Variants in DPP4 observed in about 807,000 individuals in gnomAD.
The protein encoded by DPP4 is ADCP-2.
Under a neutral mutation model 122.4 loss-of-function variants are expected in DPP4, and 93 were observed. That is an observed-to-expected ratio of 0.76 (90% CI 0.64 to 0.90). The LOEUF (loss-of-function observed/expected upper bound fraction) is 0.90, where lower values mean the gene tolerates loss of function less well. Among genes scored for constraint, DPP4 ranks in the 40% least tolerant of loss-of-function variants. DPP4 has a pLI of 0.00. For synonymous variants in DPP4, 321 were observed against 302.9 expected (o/e 1.06, Z -0.62); for missense variants, 914 against 907.3 (o/e 1.01, Z -0.09).
intron 2 of DPP4, among the ~76,000 whole-genome samples, chr2:162,065,055 C>A (rs192417840): frequency 6.6e-6 from 1 of 152,324 alleles, no homozygotes; most frequent in Middle Eastern, 3.4e-3. Context: ...TAGGTATTTG[C>A]CCTTCTCCTT....
intron 23 of DPP4, chr2:162,005,542 A>G: frequency 2.0e-6 from 1 of 510,654 alleles, no homozygotes; most frequent in Non-Finnish European, 3.5e-6. Context: ...ATTGTGACCT[A>G]TATAGCATAC....
Position 162,074,122 on chromosome 2 carries a change from C to T in DPP4, c.-141G>A, listed in dbSNP as rs1333546320. 1.4e-6 allele frequency: 2 copies of T among 1,427,994 alleles called. No individual in the cohort carries two copies. The highest frequency in any genetic ancestry group is 1.8e-6 in the Non-Finnish European group (2 of 1,090,538). 88.5% of individuals were successfully genotyped at this position (1,427,994 alleles called of 1,614,324 possible). ...TGGCAAGTTTCGGCCCCGAGTTAAA[C>T]ATTAGTGAGCGCCGAGCCCGCTGGG... On this transcript the variant is annotated 5_prime_UTR_variant, in exon 1 of 26. The change abolishes an upstream ATG in the 5' untranslated region. Transcript: ENST00000360534.
intron 22 of DPP4, among the ~76,000 whole-genome samples, chr2:162,006,116 A>G (rs1701277600): frequency 6.6e-6 from 1 of 152,178 alleles, no homozygotes; most frequent in Non-Finnish European, 1.5e-5. Flanking sequence ...GGGCAAAGGG[A>G]GATCAAACCA....
chr2:162,073,874 G>A (rs1685213611), intron 1 of DPP4, 102 bp downstream of exon 1: 1 of 1,506,298 alleles, frequency 6.6e-7, no homozygotes, highest in African/African-American at 1.4e-5. Flanking sequence ...TCCGCCTAAG[G>A]GGAGTCCCTG....
At chr2:162,023,503 G>A (rs1485878773) in intron 11 of DPP4, among the ~76,000 whole-genome samples, 1 of 152,136 alleles carries the variant, frequency 6.6e-6, no homozygotes, top group Non-Finnish European at 1.5e-5. Context: ...GTTCCTGCAT[G>A]TTCCAAGCTA....
intron 2 of DPP4, among the ~76,000 whole-genome samples, chr2:162,073,065 T>C (rs887152044): frequency 1.3e-5 from 2 of 152,168 alleles, no homozygotes; most frequent in Non-Finnish European, 2.9e-5. Flanking sequence ...CCAAAAACTT[T>C]TCTCAAAAAT....
intron 9 of DPP4, 93 bp downstream of exon 9, chr2:162,035,071 G>A (rs551119069): frequency 2.3e-6 from 3 of 1,298,860 alleles, no homozygotes; most frequent in Non-Finnish European, 2.1e-6. Flanking sequence ...GTTGAAGAGA[G>A]ACTGACAATA....
chr2:161,994,846 A>AT (rs1005229722), intron 25 of DPP4, 115 bp downstream of exon 25: 13 of 975,870 alleles, frequency 1.3e-5, no homozygotes, highest in Non-Finnish European at 1.7e-5. Flanking sequence ...TGAAAAAAAA[A>AT]TTTTTAATGT....
At chr2:162,026,088 A>G (rs1187653184) in intron 10 of DPP4, among the ~76,000 whole-genome samples, 1 of 152,184 alleles carries the variant, frequency 6.6e-6, no homozygotes, top group South Asian at 2.1e-4. Flanking sequence ...GTCATACTGA[A>G]GGACCATAGC....
rs1701195223 is a variant in DPP4 at position 162,003,206 on chromosome 2, A to G, written c.2052+2539T>C. On this transcript the variant is annotated intron_variant, in intron 23 of 25. Coordinates refer to ENST00000360534, the MANE Select transcript of DPP4 (RefSeq NM_001935.4). ...GTGCACCCAGTGTGCGTGTGTTGCC[A>G]TTGGCAGGAGGAAGTGACTTCTATT... is the stretch of plus-strand genomic sequence containing the variant. 2.6e-5 allele frequency among the ~76,000 whole-genome samples: 4 copies of G among 152,148 alleles called. No individual in the cohort carries two copies. The South Asian group carries it at 8.3e-4, about 31-fold the overall frequency.
chr2:162,029,544 G>T, intron 10 of DPP4, among the ~76,000 whole-genome samples: 1 of 152,212 alleles, frequency 6.6e-6, no homozygotes, highest in Non-Finnish European at 1.5e-5. Flanking sequence ...TAGCATGCAG[G>T]TCCTAATGTG....
intron 23 of DPP4, among the ~76,000 whole-genome samples, chr2:161,996,922 C>T (rs180690969): frequency 1.8e-3 from 268 of 152,306 alleles, no homozygotes; most frequent in African/African-American, 6.2e-3. Context: ...TACTGTAACT[C>T]CTCTTACTCC....
chr2:161,995,140 G>A, intron 24 of DPP4, 106 bp from the exon 25 acceptor site: 1 of 1,382,232 alleles, frequency 7.2e-7, no homozygotes, highest in Non-Finnish European at 1.0e-6. Context: ...GAAGTTCTAG[G>A]ACTCAGCATC....
chr2:162,012,107 C>T (rs1682725234), intron 19 of DPP4, 120 bp from the exon 20 acceptor site: 2 of 949,516 alleles, frequency 2.1e-6, no homozygotes, highest in South Asian at 1.7e-5. Context: ...TTAAACTGTG[C>T]CAGCCTATGG....
Position 162,038,325 on chromosome 2 carries a change from C to T in DPP4, c.590G>A (p.Gly197Glu), listed in dbSNP as rs765253060. 1 of 1,594,540 alleles carries T rather than the reference C, an allele frequency of 6.3e-7. No homozygotes were observed. The highest frequency in any genetic ancestry group is 8.5e-7 in the Non-Finnish European group (1 of 1,171,996). Residue 197 changes from glycine (G) to glutamate (E), a missense_variant, in exon 8 of 26, where the codon GGA becomes GAA. By Grantham distance (98) the Gly-to-Glu change is moderately conservative. Transcript: ENST00000360534. ...WTGKEDIIYN[G>E]ITDWVYEEEV... ...ACCTTCATAAACCCAGTCAGTTATT[C>T]CATTATATATTATATCTTCTTTCCC...
At chr2:162,062,260 C>T (rs554129938) in intron 2 of DPP4, among the ~76,000 whole-genome samples, 16 of 152,194 alleles carry the variant, frequency 1.1e-4, no homozygotes, top group South Asian at 2.1e-4. Flanking sequence ...CCAGCCTGAG[C>T]GACAGAGCAA....
chr2:162,020,534 A>T (rs1576044343), intron 13 of DPP4, 47 bp downstream of exon 13: 1 of 1,475,800 alleles, frequency 6.8e-7, no homozygotes, highest in East Asian at 2.3e-5. Flanking sequence ...TGGTTTCCAA[A>T]AAAAAAAAAG....
Position 162,074,193 on chromosome 2 carries a change from A to C in DPP4, c.-212T>G, listed in dbSNP as rs1354418294. The C allele has an allele frequency of 4.1e-6, 5 of 1,234,234 alleles. No individual in the cohort carries two copies. The highest frequency in any genetic ancestry group is 1.6e-5 in the African/African-American group (1 of 63,792). 76.5% of individuals were successfully genotyped at this position (1,234,234 alleles called of 1,614,324 possible). ...GCTGCAGGGCAGGCGGCGCGGGAGC[A>C]GGCGCGCGTGGCGCGGGGCACTGGC... On this transcript the variant is annotated 5_prime_UTR_variant, in exon 1 of 26. Transcript: ENST00000360534.
chr2:162,072,771 A>C (rs759275509), intron 2 of DPP4, among the ~76,000 whole-genome samples: 3 of 152,230 alleles, frequency 2.0e-5, no homozygotes, highest in Non-Finnish European at 2.9e-5. Context: ...AGAATCCACC[A>C]AAACATCACT....
Sources: allele counts gnomAD v4.1 joint callset (sites outside exome capture counted in the v4.1 genomes callset), GRCh38; gene constraint gnomAD v4.1.1; transcripts MANE v1.5; gene names NCBI Gene and HGNC (gene_info 2026-07-23, HGNC 2026-07-21).